BPI: variants seen among roughly 807,000 people sequenced by gnomAD.
The protein encoded by BPI is bactericidal permeability increasing protein.
A neutral mutation model predicts 57.6 loss-of-function variants in BPI; 48 were observed. The observed-to-expected ratio is 0.83, with a 90% CI of 0.66 to 1.06. The LOEUF (loss-of-function observed/expected upper bound fraction) is 1.06, where lower values mean the gene tolerates loss of function less well. Ranked by LOEUF, BPI falls within the 50% of genes least tolerant of loss-of-function variation. BPI has a pLI of 0.00. For synonymous variants in BPI, 237 were observed against 238.2 expected, an observed-to-expected ratio of 0.99 and a Z score of 0.05; for missense variants, 651 against 609.7, an observed-to-expected ratio of 1.07 and a Z score of -0.71.
Position 38,308,922 on chromosome 20 carries a change from C to T in BPI, c.246-8C>T. The T allele has an allele frequency of 6.2e-7, 1 of 1,614,132 alleles. No individual in the cohort carries two copies. The highest frequency in any genetic ancestry group is 1.1e-5 in the South Asian group (1 of 91,080). ...AAATTATATGACATTCACATTTCTC[C>T]TTTGCAGCATGGACATCCGTGAATT... is the stretch of plus-strand genomic sequence containing the variant. On this transcript the variant is annotated splice_polypyrimidine_tract_variant and splice_region_variant and intron_variant, in intron 2 of 14. Transcript: ENST00000642449.
chr20:38,312,717 G>A (rs1191360040), intron 5 of BPI, among the ~76,000 whole-genome samples: 3 of 152,172 alleles, frequency 2.0e-5, no homozygotes, highest in Non-Finnish European at 2.9e-5. Context: ...GGAGTCTCAT[G>A]CGGTCTTCTA....
chr20:38,309,355 G>A (rs1333536318), intron 3 of BPI, among the ~76,000 whole-genome samples: 2 of 152,206 alleles, frequency 1.3e-5, no homozygotes, highest in East Asian at 1.9e-4. Flanking sequence ...CTATTGCTGT[G>A]TAACAAACCA....
intron 5 of BPI, among the ~76,000 whole-genome samples, chr20:38,313,697 G>A (rs1041212733): frequency 6.6e-6 from 1 of 152,160 alleles, no homozygotes; most frequent in Non-Finnish European, 1.5e-5. Context: ...GTTGATGATG[G>A]TAATGGTAAT....
rs186179981 is a variant in BPI, at chr20:38,317,779, T to C, written c.601-634T>C. ...CGTTTTACAGATGAAGAAATAGAGGTCTAGATAAATGGAACAACTTCCTCA... is the reference window on the plus strand; with the variant it reads ...CGTTTTACAGATGAAGAAATAGAGGCCTAGATAAATGGAACAACTTCCTCA... On this transcript the variant is annotated intron_variant, in intron 5 of 14. Coordinates refer to ENST00000642449, the MANE Select transcript of BPI (RefSeq NM_001725.3). 5 of 1,366,078 alleles carry C rather than the reference T, an allele frequency of 3.7e-6. No individual in the cohort carries two copies. In the Admixed American group the frequency reaches 9.9e-5, roughly 27 times the overall value. The allele number at this position is 1,366,078 out of a possible 1,614,324, so 84.6% of individuals were successfully genotyped here.
chr20:38,334,311 G>A lies in BPI; in HGVS notation c.1273-119G>A, dbSNP rs1027369453. 2.7e-5 allele frequency: 25 copies of A among 943,366 alleles called. No individual in the cohort carries two copies. In the Admixed American group the frequency reaches 3.7e-4, roughly 14 times the overall value. 58.4% of individuals were successfully genotyped at this position (943,366 alleles called of 1,614,324 possible). On this transcript the variant is annotated intron_variant, in intron 12 of 14. Coordinates refer to ENST00000642449, the MANE Select transcript of BPI (RefSeq NM_001725.3). ...ACCTCTCAGCAGTTTTCCCAACTGC[G>A]CGGTTGCTGAGCAGCGCTAGGGGAA...
Position 38,307,640 on chromosome 20 carries a change from T to C in BPI, c.204T>C (p.Phe68=). The C allele has an allele frequency of 6.2e-7, 1 of 1,612,252 alleles. No homozygotes were observed. Among genetic ancestry groups the C allele is most frequent in the Non-Finnish European group, 8.5e-7 (1 of 1,179,298 alleles). Reference sequence around the variant, plus strand: ...AGATTCCTGACTACTCAGACAGCTTTAAGATCAAGCATCTTGGGAAGGGGC... The same window carrying C: ...AGATTCCTGACTACTCAGACAGCTTCAAGATCAAGCATCTTGGGAAGGGGC... The part of the protein sequence containing the change: ...RIKIPDYSDS[F]KIKHLGKGHY... The change falls in exon 2 of 15, where the codon TTT becomes TTC. Residue 68 remains phenylalanine, a synonymous_variant. Coordinates refer to ENST00000642449, the MANE Select transcript of BPI (RefSeq NM_001725.3).
intron 5 of BPI, among the ~76,000 whole-genome samples, chr20:38,312,190 C>G (rs1285536219): frequency 6.6e-6 from 1 of 152,202 alleles, no homozygotes; most frequent in Non-Finnish European, 1.5e-5. Context: ...GCCACCTCTG[C>G]TTTTCCCCAG....
intron 1 of BPI, among the ~76,000 whole-genome samples, chr20:38,306,558 A>G (rs1305551901): frequency 6.6e-6 from 1 of 152,210 alleles, no homozygotes; most frequent in African/African-American, 2.4e-5. Flanking sequence ...CGTTGCTCTG[A>G]TCTACTAAGC....
At chr20:38,309,350 G>C (rs2076611339) in intron 3 of BPI, among the ~76,000 whole-genome samples, 1 of 152,170 alleles carries the variant, frequency 6.6e-6, no homozygotes, top group Admixed American at 6.5e-5. Flanking sequence ...GTTAGCTATT[G>C]CTGTGTAACA....
chr20:38,333,274 T>C (rs746975509), intron 12 of BPI, among the ~76,000 whole-genome samples: 5 of 151,982 alleles, frequency 3.3e-5, no homozygotes, highest in Admixed American at 6.6e-5. Flanking sequence ...CCAGGATTCA[T>C]AGGAAGGAGG....
chr20:38,334,362 G>A (rs2076756735), intron 12 of BPI, 68 bp from the exon 13 acceptor site: 2 of 1,446,712 alleles, frequency 1.4e-6, no homozygotes, highest in African/African-American at 1.4e-5. Flanking sequence ...GTGGGGTGAT[G>A]AGGACTGCTG....
intron 9 of BPI, among the ~76,000 whole-genome samples, chr20:38,325,887 C>G (rs1327117060): frequency 3.3e-5 from 5 of 152,148 alleles, no homozygotes; most frequent in African/African-American, 1.2e-4. Flanking sequence ...CTTAGTTCCC[C>G]CTTGAAGCCA....
rs776622479 is a variant in BPI at position 38,304,232 on chromosome 20, G to A, written c.9G>A (p.Arg3=). MA[R]GPCNAPRWAS... Reference sequence around the variant, plus strand: ...GGAGGATGAGAGAGAACATGGCCAGGGGCCCTTGCAACGCGCCGAGATGGG... The same window carrying A: ...GGAGGATGAGAGAGAACATGGCCAGAGGCCCTTGCAACGCGCCGAGATGGG... Residue 3 remains arginine, a synonymous_variant, in exon 1 of 15, where the codon AGG becomes AGA. Coordinates refer to ENST00000642449, the MANE Select transcript of BPI (RefSeq NM_001725.3). 3 of 1,614,080 alleles carry A rather than the reference G, an allele frequency of 1.9e-6. No homozygotes were observed. Among genetic ancestry groups the A allele is most frequent in the African/African-American group, 2.7e-5 (2 of 74,926 alleles).
At chr20:38,334,205 A>G (rs1347320136) in intron 12 of BPI, among the ~76,000 whole-genome samples, 1 of 152,238 alleles carries the variant, frequency 6.6e-6, no homozygotes, top group Non-Finnish European at 1.5e-5. Context: ...AACATGCTTT[A>G]CATCTGGAAC....
Position 38,304,342 on chromosome 20 carries a change from G to T in BPI, c.119G>T (p.Gly40Val). 1 of 1,613,586 alleles carries T rather than the reference G, an allele frequency of 6.2e-7. No homozygotes were observed. The change falls in exon 1 of 15, where the codon GGC becomes GTC. Residue 40 changes from glycine (G) to valine (V), a missense_variant. Coordinates refer to ENST00000642449, the MANE Select transcript of BPI (RefSeq NM_001725.3). Reference sequence around the variant, plus strand: ...GTCGTGGTCAGGATCTCCCAGAAGGGCCTGGACTACGGTAACTGGATGCCT... The same window carrying T: ...GTCGTGGTCAGGATCTCCCAGAAGGTCCTGGACTACGGTAACTGGATGCCT... The part of the protein sequence containing the change: ...PGVVVRISQK[G>V]LDYASQQGTA...
intron 6 of BPI, 86 bp from the exon 7 acceptor site, chr20:38,320,097 A>C (rs2076673631): frequency 8.5e-7 from 1 of 1,171,668 alleles, no homozygotes; most frequent in African/African-American, 1.5e-5. Context: ...CTCTTGATTC[A>C]ATTTTAGGGG....
At chr20:38,304,759 C>T (rs962124112) in intron 1 of BPI, among the ~76,000 whole-genome samples, 2 of 152,188 alleles carry the variant, frequency 1.3e-5, no homozygotes, top group African/African-American at 4.8e-5. Context: ...ACCTCCCCAC[C>T]CCGTGCTCTC....
chr20:38,320,966 G>GTGGA (rs1331434373), intron 7 of BPI, among the ~76,000 whole-genome samples: 3 of 54,876 alleles, frequency 5.5e-5, no homozygotes, highest in Non-Finnish European at 1.1e-4. Flanking sequence ...GTGTTGGTGG[G>GTGGA]TGGATGGATG....
rs201394770 is a variant in BPI at position 38,334,492 on chromosome 20, C to T, written c.1335C>T (p.Asn445=). 41 of 1,612,462 alleles carry T rather than the reference C, an allele frequency of 2.5e-5. No homozygotes were observed. In the Middle Eastern group the frequency reaches 6.6e-4, roughly 26 times the overall value. The change falls in exon 13 of 15, where the codon AAC becomes AAT. Residue 445 remains asparagine, a splice_region_variant and synonymous_variant. Coordinates refer to ENST00000642449, the MANE Select transcript of BPI (RefSeq NM_001725.3). ...IVPILVLPRV[N]EKLQKGFPLP... is the part of the protein sequence containing the mutation. ...CCATTCTTGTGCTGCCCAGGGTTAA[C>T]GGTAAGGAACTTTGAAGAAACCATT...
Sources: gnomAD v4.1 joint callset for allele counts (sites outside exome capture counted in the v4.1 genomes callset) on GRCh38, gnomAD v4.1.1 for gene constraint, MANE v1.5 for transcripts, NCBI Gene and HGNC (gene_info 2026-07-23, HGNC 2026-07-21) for gene names.